SAMMSON: variants seen among roughly 807,000 people sequenced by gnomAD.
SAMMSON encodes long intergenic non-protein coding RNA 1212.
At chr3:70,306,049 C>A (rs1702396862) in intron 7 of SAMMSON, among the ~76,000 whole-genome samples, 1 of 152,126 alleles carries the variant, frequency 6.6e-6, no homozygotes, top group South Asian at 2.1e-4. Context: ...TCTATGTCAA[C>A]ACTAAATAAG....
chr3:70,165,112 TAAGGGTTTGAG>T (rs553509331), intron 4 of SAMMSON, among the ~76,000 whole-genome samples: 12 of 151,896 alleles, frequency 7.9e-5, no homozygotes, highest in Admixed American at 4.6e-4. Flanking sequence ...ACATGTGGAG[TAAGGGTTTGAG>T]AATTTACTAT....
chr3:70,038,958 C>T (rs942461512), intron 3 of SAMMSON, among the ~76,000 whole-genome samples: 2 of 151,956 alleles, frequency 1.3e-5, no homozygotes, highest in African/African-American at 4.8e-5. Context: ...CAGGGAGTAT[C>T]CTGGTCAGTT....
downstream of SAMMSON, among the ~76,000 whole-genome samples, chr3:70,392,059 G>C (rs1385936369): frequency 6.6e-6 from 1 of 152,026 alleles, no homozygotes; most frequent in Non-Finnish European, 1.5e-5. Context: ...AAGGGGATGG[G>C]TACCCCGCCT....
Position 70,016,057 on chromosome 3 carries a change from A to G in SAMMSON, n.417+2385A>G, listed in dbSNP as rs148478939. 3.9e-3 allele frequency among the ~76,000 whole-genome samples: 595 copies of G among 152,302 alleles called. 5 individuals are homozygous for G. Among genetic ancestry groups the G allele is most frequent in the African/African-American group, 0.013 (555 of 41,544 alleles). ...TTGTGCCTTTATAGCAGCATGATTT[A>G]TAATCCTTTGGGTATATACCCAGTA... On this transcript the variant is annotated intron_variant and non_coding_transcript_variant, in intron 3 of 9. Coordinates refer to ENST00000642114, the Ensembl canonical transcript of SAMMSON.
At chr3:70,430,726 G>A (rs1301007784) in intron 2 of SAMMSON, among the ~76,000 whole-genome samples, 3 of 152,218 alleles carry the variant, frequency 2.0e-5, no homozygotes, top group African/African-American at 7.2e-5. Context: ...GGCATAAATT[G>A]AGACAAGATC....
intron 2 of SAMMSON, among the ~76,000 whole-genome samples, chr3:70,406,981 G>A (rs1701182888): frequency 1.3e-5 from 2 of 152,214 alleles, no homozygotes; most frequent in African/African-American, 2.4e-5. Flanking sequence ...ACATGGCCAG[G>A]GAGGCCTCAG....
At chr3:70,125,906 C>G (rs2067456132) in intron 4 of SAMMSON, 1 of 699,728 alleles carries the variant, frequency 1.4e-6, no homozygotes, top group Non-Finnish European at 2.6e-6. Flanking sequence ...CTAGATAATT[C>G]CTCATCGTCT....
At chr3:70,329,178 A>G (rs1702602192) in intron 7 of SAMMSON, among the ~76,000 whole-genome samples, 2 of 152,148 alleles carry the variant, frequency 1.3e-5, no homozygotes, top group Admixed American at 1.3e-4. Flanking sequence ...AGGTAAAAAA[A>G]GTATAGAACT....
chr3:70,401,225 C>G (rs1162020074), intron 2 of SAMMSON, among the ~76,000 whole-genome samples: 5 of 151,280 alleles, frequency 3.3e-5, no homozygotes, highest in Admixed American at 6.6e-5. Flanking sequence ...CAGAGGTTTT[C>G]TGGATAATGT....
At chr3:70,080,203 G>A (rs1224950614) in intron 4 of SAMMSON, among the ~76,000 whole-genome samples, 1 of 152,184 alleles carries the variant, frequency 6.6e-6, no homozygotes, top group Non-Finnish European at 1.5e-5. Context: ...CAGGCCAAAC[G>A]AGTTGTACAA....
At chr3:70,189,390 T>G (rs536073063) in intron 4 of SAMMSON, among the ~76,000 whole-genome samples, 64 of 152,318 alleles carry the variant, frequency 4.2e-4, no homozygotes, top group Middle Eastern at 3.4e-3. Flanking sequence ...GCAAATGTGC[T>G]GAAAGTTCAT....
intron 4 of SAMMSON, among the ~76,000 whole-genome samples, chr3:70,168,903 T>G (rs2067648820): frequency 6.6e-6 from 1 of 152,014 alleles, no homozygotes; most frequent in Non-Finnish European, 1.5e-5. Context: ...CTCATTCAAA[T>G]TCTCCTGCTG....
intron 3 of SAMMSON, among the ~76,000 whole-genome samples, chr3:70,018,173 T>C (rs1256635882): frequency 1.3e-5 from 2 of 152,176 alleles, no homozygotes; most frequent in Non-Finnish European, 1.5e-5. Context: ...CAGCTCCTTC[T>C]TGTACCTCTG....
intron 8 of SAMMSON, among the ~76,000 whole-genome samples, chr3:70,356,446 C>G (rs1056552007): frequency 4.6e-5 from 7 of 152,032 alleles, no homozygotes; most frequent in Middle Eastern, 3.2e-3. Flanking sequence ...GTGCTATACC[C>G]TAACCTGCCT....
At chr3:70,219,905 G>A (rs1701447148) in intron 4 of SAMMSON, among the ~76,000 whole-genome samples, 1 of 152,138 alleles carries the variant, frequency 6.6e-6, no homozygotes, top group Non-Finnish European at 1.5e-5. Flanking sequence ...CTAAGCATAA[G>A]CGTTGTTCAA....
intron 3 of SAMMSON, among the ~76,000 whole-genome samples, chr3:70,020,281 C>G (rs149525137): frequency 1.1e-4 from 17 of 152,190 alleles, no homozygotes; most frequent in African/African-American, 4.1e-4. Context: ...TTTCCACAAT[C>G]AAGAGCTAAG....
chr3:70,237,614 G>T (rs764344710), intron 4 of SAMMSON, among the ~76,000 whole-genome samples: 1 of 152,168 alleles, frequency 6.6e-6, no homozygotes, highest in Non-Finnish European at 1.5e-5. Context: ...GCTAAACCTA[G>T]TGTCCTACAT....
intron 3 of SAMMSON, chr3:70,069,854 C>T (rs762209266): frequency 3.9e-5 from 6 of 152,078 alleles, no homozygotes; most frequent in Admixed American, 6.6e-5. Context: ...GATGTAGAGG[C>T]ATTTCTGCCT....
At chr3:70,018,218 C>CT (rs1294846228) in intron 3 of SAMMSON, among the ~76,000 whole-genome samples, 10 of 151,998 alleles carry the variant, frequency 6.6e-5, no homozygotes, top group Admixed American at 5.9e-4. Flanking sequence ...TGGTTCTGGA[C>CT]TTTTTTTGTT....
Sources: allele counts gnomAD v4.1 joint callset (sites outside exome capture counted in the v4.1 genomes callset), GRCh38; gene constraint gnomAD v4.1.1; transcripts MANE v1.5; gene names NCBI Gene and HGNC (gene_info 2026-07-23, HGNC 2026-07-21).